Variants in NCKAP5 observed in about 807,000 individuals in gnomAD.
The protein encoded by NCKAP5 is nck-associated protein 5.
Under a neutral mutation model 167.0 loss-of-function variants are expected in NCKAP5, and 92 were observed. The observed-to-expected ratio is 0.55, with a 90% CI of 0.47 to 0.66. The LOEUF is 0.66. Among genes scored for constraint, NCKAP5 ranks in the 30% least tolerant of loss-of-function variants. The pLI, the probability that NCKAP5 is intolerant of heterozygous loss-of-function variation, is 0.00. For synonymous variants in NCKAP5, 891 were observed against 877.4 expected, an observed-to-expected ratio of 1.02 and a Z score of -0.27; for missense variants, 2,378 against 2,315.0, an observed-to-expected ratio of 1.03 and a Z score of -0.56.
the NCKAP5 span, among the ~76,000 whole-genome samples, chr2:133,614,790 T>C: frequency 1.3e-5 from 2 of 150,980 alleles, no homozygotes; most frequent in Admixed American, 6.6e-5. Context: ...ATTCAGGAAA[T>C]ACAGAGAATG....
At chr2:133,067,356 C>A (rs1163330125) in intron 6 of NCKAP5, among the ~76,000 whole-genome samples, 1 of 152,164 alleles carries the variant, frequency 6.6e-6, no homozygotes, top group Admixed American at 6.5e-5. Flanking sequence ...AAAGAAAATA[C>A]CATTTTTCAA....
At chr2:133,390,101 C>T (rs2150985416) in intron 3 of NCKAP5, among the ~76,000 whole-genome samples, 1 of 152,348 alleles carries the variant, frequency 6.6e-6, no homozygotes, top group Middle Eastern at 3.4e-3. Flanking sequence ...CCTATGCAAA[C>T]AAACAGGAAA....
chr2:133,516,011 T>C (rs1242867275), intron 3 of NCKAP5, among the ~76,000 whole-genome samples: 1 of 152,228 alleles, frequency 6.6e-6, no homozygotes, highest in Non-Finnish European at 1.5e-5. Context: ...AAACTTGAGA[T>C]CTGAGGCAGA....
At chr2:133,562,218 C>T (rs1307349174) in intron 1 of NCKAP5, among the ~76,000 whole-genome samples, 3 of 151,566 alleles carry the variant, frequency 2.0e-5, no homozygotes, top group African/African-American at 7.3e-5. Flanking sequence ...TAAATATACA[C>T]ACACATATAT....
At chr2:132,732,109 A>T (rs1333279854) in intron 16 of NCKAP5, 58 bp from the exon 17 acceptor site, 21 of 1,463,606 alleles carry the variant, frequency 1.4e-5, no homozygotes, top group Non-Finnish European at 1.8e-5. Context: ...AAAGGATAAA[A>T]GAATCATGGA....
chr2:132,913,372 T>C (rs1694604688), intron 8 of NCKAP5, among the ~76,000 whole-genome samples: 2 of 152,128 alleles, frequency 1.3e-5, no homozygotes, highest in African/African-American at 4.8e-5. Context: ...CACTATACTA[T>C]TTATTAGCTG....
At chr2:133,090,210 AT>A (rs1414781541) in intron 6 of NCKAP5, among the ~76,000 whole-genome samples, 2 of 129,688 alleles carry the variant, frequency 1.5e-5, no homozygotes, top group Middle Eastern at 7.3e-3. Flanking sequence ...ATACAAGAAA[AT>A]TAAAAAAAAA....
intron 8 of NCKAP5, among the ~76,000 whole-genome samples, chr2:132,958,318 C>T (rs1216258835): frequency 6.6e-6 from 1 of 152,102 alleles, no homozygotes; most frequent in Non-Finnish European, 1.5e-5. Flanking sequence ...CCTATTAGTC[C>T]TAGGCACCTA....
intron 16 of NCKAP5, among the ~76,000 whole-genome samples, chr2:132,772,160 G>A (rs962184873): frequency 2.0e-5 from 3 of 152,024 alleles, no homozygotes; most frequent in Non-Finnish European, 2.9e-5. Context: ...TATGTAGTAG[G>A]CTATACCATC....
the NCKAP5 span, among the ~76,000 whole-genome samples, chr2:133,595,075 T>C: frequency 6.6e-6 from 1 of 152,166 alleles, no homozygotes; most frequent in Non-Finnish European, 1.5e-5. Context: ...CACAACTTTC[T>C]ACTGGAGATG....
intron 6 of NCKAP5, chr2:133,122,393 G>A (rs902633923): frequency 1.3e-5 from 2 of 152,138 alleles, no homozygotes; most frequent in African/African-American, 4.8e-5. Flanking sequence ...ATTTAGAGGA[G>A]AGACTAAATC....
chr2:133,383,009 T>A (rs2150955134), intron 3 of NCKAP5, among the ~76,000 whole-genome samples: 1 of 152,324 alleles, frequency 6.6e-6, no homozygotes, highest in Admixed American at 6.5e-5. Context: ...CTTAAATTAT[T>A]ATTCACAGCT....
intron 3 of NCKAP5, among the ~76,000 whole-genome samples, chr2:133,428,396 G>T (rs7593600): frequency 0.4 from 60,294 of 151,792 alleles, 13,309 homozygotes; most frequent in African/African-American, 0.6. Flanking sequence ...TACATTATTC[G>T]GTAAATTATA....
rs115239892 is a variant in NCKAP5, at chr2:133,225,401, C to T, written c.144-11622G>A. ...TCTCATTCTGTCTCTGTTTTGACAA[C>T]GGCCCCAACATAGTATCTGTGAGGA... On this transcript the variant is annotated intron_variant, in intron 4 of 19. Coordinates refer to ENST00000409261, the MANE Select transcript of NCKAP5 (RefSeq NM_207363.3). 3.0e-3 allele frequency among the ~76,000 whole-genome samples: 454 copies of T among 152,290 alleles called. 2 individuals carry two copies. The highest frequency in any genetic ancestry group is 9.8e-3 in the African/African-American group (408 of 41,556).
chr2:132,789,207 G>A (rs1327513991), intron 13 of NCKAP5, among the ~76,000 whole-genome samples: 3 of 152,178 alleles, frequency 2.0e-5, no homozygotes, highest in South Asian at 4.1e-4. Context: ...GCAGAGCGAG[G>A]GGCTCTGGGA....
the NCKAP5 span, among the ~76,000 whole-genome samples, chr2:133,620,688 C>G: frequency 6.6e-6 from 1 of 151,938 alleles, no homozygotes; most frequent in Non-Finnish European, 1.5e-5. Flanking sequence ...CTTTAATACT[C>G]CACTGACAGC....
chr2:132,924,278 C>T (rs1453866424), intron 8 of NCKAP5, among the ~76,000 whole-genome samples: 1 of 152,098 alleles, frequency 6.6e-6, no homozygotes, highest in East Asian at 1.9e-4. Flanking sequence ...ATTCATTTTT[C>T]TTGTGCTGTA....
At chr2:133,514,519 C>T (rs1683814193) in intron 3 of NCKAP5, among the ~76,000 whole-genome samples, 2 of 152,170 alleles carry the variant, frequency 1.3e-5, no homozygotes, top group Non-Finnish European at 2.9e-5. Flanking sequence ...ATAATTTCTA[C>T]TCAACACTTC....
At chr2:133,376,456 A>G (rs944313812) in intron 3 of NCKAP5, among the ~76,000 whole-genome samples, 1 of 152,090 alleles carries the variant, frequency 6.6e-6, no homozygotes, top group Non-Finnish European at 1.5e-5. Context: ...TACATTCTAC[A>G]TACTCTTGAA....
Sources: gnomAD v4.1 joint callset for allele counts (sites outside exome capture counted in the v4.1 genomes callset) on GRCh38, gnomAD v4.1.1 for gene constraint, MANE v1.5 for transcripts, NCBI Gene and HGNC (gene_info 2026-07-23, HGNC 2026-07-21) for gene names.